Variants in CHEK2 observed in about 807,000 individuals in gnomAD.
CHEK2 encodes the protein serine/threonine-protein kinase Chk2.
Under a neutral mutation model 69.1 loss-of-function variants are expected in CHEK2, and 71 were observed. That is an observed-to-expected ratio of 1.03 (90% CI 0.85 to 1.25). The LOEUF is 1.25. Among genes scored for constraint, CHEK2 ranks in the 50% most tolerant of loss-of-function variants. The probability of loss-of-function intolerance (pLI) is 0.00; values close to 1 mark genes in which losing one functional copy is unlikely to be tolerated. For synonymous variants in CHEK2, 189 were observed against 226.9 expected (o/e 0.83, Z 1.50); for missense variants, 664 against 649.6 (o/e 1.02, Z -0.24).
At chr22:28,738,102 GA>G (rs1343947401) in intron 1 of CHEK2, 1 of 152,350 alleles carries the variant, frequency 6.6e-6, no homozygotes, top group Non-Finnish European at 1.5e-5. Flanking sequence ...AGCTACTTGG[GA>G]AGCTGAGGTG....
intron 5 of CHEK2, among the ~76,000 whole-genome samples, chr22:28,715,868 T>A (rs2053569417): frequency 6.6e-6 from 1 of 151,780 alleles, no homozygotes; most frequent in African/African-American, 2.4e-5. Context: ...TTCTTCTTTT[T>A]TTTTTTTTTC....
At chr22:28,698,060 C>A (rs1489382161) in intron 9 of CHEK2, among the ~76,000 whole-genome samples, 1 of 151,610 alleles carries the variant, frequency 6.6e-6, no homozygotes, top group African/African-American at 2.4e-5. Context: ...CTACTATGTG[C>A]CCACAAAAAT....
chr22:28,719,863 T>C (rs1439298568), intron 4 of CHEK2, among the ~76,000 whole-genome samples: 1 of 152,150 alleles, frequency 6.6e-6, no homozygotes, highest in African/African-American at 2.4e-5. Flanking sequence ...TCCATCAGTC[T>C]GAGCCTAGAA....
chr22:28,738,036 T>C (rs577293685), intron 1 of CHEK2: 2 of 152,328 alleles, frequency 1.3e-5, no homozygotes, highest in African/African-American at 4.8e-5. Flanking sequence ...TGAAATCCAG[T>C]ATCTACAGAA....
intron 1 of CHEK2, among the ~76,000 whole-genome samples, chr22:28,738,792 C>G (rs2054484452): frequency 6.6e-6 from 1 of 152,142 alleles, no homozygotes; most frequent in South Asian, 2.1e-4. Context: ...AAAGCAAAAA[C>G]AGACAACTGG....
At chr22:28,737,891 T>A (rs933431734) in intron 1 of CHEK2, 1 of 152,322 alleles carries the variant, frequency 6.6e-6, no homozygotes, top group African/African-American at 2.4e-5. Context: ...CCACACTGAT[T>A]GTATTTACAC....
chr22:28,698,290 G>T (rs2052673124), intron 9 of CHEK2, among the ~76,000 whole-genome samples: 1 of 149,288 alleles, frequency 6.7e-6, no homozygotes, highest in South Asian at 2.1e-4. Flanking sequence ...CCAGCTACTG[G>T]GTAGGCTGAG....
chr22:28,712,128 T>G (rs1271444322), intron 5 of CHEK2, 111 bp from the exon 6 acceptor site: 2 of 800,498 alleles, frequency 2.5e-6, no homozygotes, highest in African/African-American at 3.4e-5. Context: ...TATAACAGCC[T>G]TTCCATTGTC....
intron 8 of CHEK2, 148 bp from the exon 9 acceptor site, chr22:28,700,085 G>A (rs2052779666): frequency 6.4e-6 from 4 of 625,026 alleles, no homozygotes; most frequent in Non-Finnish European, 1.1e-5. Flanking sequence ...AAACTAATAA[G>A]GTTTATTCAC....
At chr22:28,688,717 C>T (rs1382996080) in intron 14 of CHEK2, among the ~76,000 whole-genome samples, 1 of 142,646 alleles carries the variant, frequency 7.0e-6, no homozygotes, top group Non-Finnish European at 1.5e-5. Context: ...AGGACAGCTA[C>T]CATTCAACAA....
intron 4 of CHEK2, among the ~76,000 whole-genome samples, chr22:28,721,289 T>G (rs574839501): frequency 6.9e-6 from 1 of 145,478 alleles, no homozygotes; most frequent in South Asian, 2.2e-4. Context: ...GGGTTTTTTT[T>G]TTTTTTTTTT....
At chr22:28,699,095 C>T (rs2052710717) in intron 9 of CHEK2, among the ~76,000 whole-genome samples, 1 of 152,238 alleles carries the variant, frequency 6.6e-6, no homozygotes, top group South Asian at 2.1e-4. Flanking sequence ...GCCTCAACCT[C>T]CCAGGCTCAA....
chr22:28,707,264 C>T (rs144358468), intron 7 of CHEK2, among the ~76,000 whole-genome samples: 162 of 152,344 alleles, frequency 1.1e-3, no homozygotes, highest in Non-Finnish European at 2.0e-3. Flanking sequence ...ATCTCTGTCA[C>T]TCTCCAAGTG....
chr22:28,724,689 C>A (rs2053923164), intron 4 of CHEK2: 3 of 400,624 alleles, frequency 7.5e-6, no homozygotes, highest in East Asian at 5.8e-5. Flanking sequence ...GCCTCAGCCT[C>A]CCGAATAGCT....
Position 28,687,933 on chromosome 22 carries a change from G to T in CHEK2, c.1596C>A (p.Thr532=), listed in dbSNP as rs2145737656. The change falls in exon 15 of 15, where the codon ACC becomes ACA. Residue 532 remains threonine (T), a synonymous_variant. Transcript: ENST00000404276. ...PREGEAEGAE[T]TKRPAVCAAV... is the part of the protein sequence containing the mutation. Reference sequence around the variant, plus strand: ...CAGCACACACAGCTGGGCGCTTTGTGGTCTCGGCACCCTCGGCTTCCCCTT... The same window carrying T: ...CAGCACACACAGCTGGGCGCTTTGTTGTCTCGGCACCCTCGGCTTCCCCTT... 6.3e-7 allele frequency: 1 copy of T among 1,596,374 alleles called. No homozygotes were observed. The highest frequency in any genetic ancestry group is 1.1e-5 in the South Asian group (1 of 90,994).
At chr22:28,696,719 A>G (rs191019477) in intron 10 of CHEK2, among the ~76,000 whole-genome samples, 182 bp downstream of exon 10, 1 of 152,288 alleles carries the variant, frequency 6.6e-6, no homozygotes, top group African/African-American at 2.4e-5. Context: ...TACACAACAG[A>G]GCTCAATAAA....
chr22:28,699,360 T>C (rs1361574239), intron 9 of CHEK2, among the ~76,000 whole-genome samples: 5 of 128,504 alleles, frequency 3.9e-5, no homozygotes, highest in Non-Finnish European at 6.4e-5. Context: ...TGAGAGCTTT[T>C]TCTTTTTTTT....
At position 28,699,757 on chromosome 22, in the gene CHEK2, G is replaced by A. The variant is rs17881114; in HGVS notation, c.1008+81C>T. 719 of 978,142 alleles carry A rather than the reference G, an allele frequency of 7.4e-4. 3 individuals carry two copies. The African/African-American group carries it at 0.01, about 14-fold the overall frequency. The allele number at this position is 978,142 out of a possible 1,614,324, so 60.6% of individuals were successfully genotyped here. A position where few individuals can be genotyped will look rare whatever the true frequency, so the allele number is the denominator to read the frequency against. ...ATTCTCTTCTGAGTTTTAATCCACG[G>A]TCCCTCGATTTCTGCCTAATTCAGG... On this transcript the variant is annotated intron_variant, in intron 9 of 14. Transcript: ENST00000404276.
intron 9 of CHEK2, 46 bp from the exon 10 acceptor site, chr22:28,697,033 CT>C (rs781368998): frequency 8.2e-7 from 1 of 1,222,654 alleles, no homozygotes; most frequent in South Asian, 1.2e-5. Flanking sequence ...GCAGTAGATA[CT>C]TAAGTAGAAT....
Sources: allele counts gnomAD v4.1 joint callset (sites outside exome capture counted in the v4.1 genomes callset), GRCh38; gene constraint gnomAD v4.1.1; transcripts MANE v1.5; gene names NCBI Gene and HGNC (gene_info 2026-07-23, HGNC 2026-07-21).